Variants in PRIM2 observed in about 807,000 individuals in gnomAD.
PRIM2 encodes DNA primase subunit 2, also known as DNA primase large subunit.
PRIM2 carries 39 observed loss-of-function variants against 67.3 expected under a neutral mutation model. The observed-to-expected ratio is 0.58, with a 90% confidence interval of 0.45 to 0.76. PRIM2 has a LOEUF of 0.76. Ranked by LOEUF, PRIM2 falls within the 30% of genes least tolerant of loss-of-function variation. The pLI is 0.00. For synonymous variants in PRIM2, 143 were observed against 198.7 expected, an observed-to-expected ratio of 0.72 and a Z score of 2.36; for missense variants, 398 against 598.7, an observed-to-expected ratio of 0.66 and a Z score of 3.50.
intron 5 of PRIM2, among the ~76,000 whole-genome samples, chr6:57,345,474 A>ATATGTGTGTGTGTGTG (rs1554327210): frequency 1.6e-5 from 2 of 124,596 alleles, no homozygotes; most frequent in East Asian, 2.2e-4. Flanking sequence ...ATATATATAT[A>ATATGTGTGTGTGTGTG]TGTGTGTGTG....
intron 7 of PRIM2, among the ~76,000 whole-genome samples, chr6:57,505,815 G>C (rs1774239548): frequency 6.6e-6 from 1 of 151,334 alleles, no homozygotes; most frequent in African/African-American, 2.4e-5. Flanking sequence ...TTTTTTGTTT[G>C]CCTCTATTAG....
At chr6:57,357,811 G>A (rs571552026) in intron 5 of PRIM2, among the ~76,000 whole-genome samples, 2 of 152,004 alleles carry the variant, frequency 1.3e-5, no homozygotes, top group Middle Eastern at 3.2e-3. Context: ...GGTGAAGCTG[G>A]TATCGGATTC....
At chr6:57,337,970 TAAAG>T (rs573539746) in intron 5 of PRIM2, among the ~76,000 whole-genome samples, 8,415 of 150,240 alleles carry the variant, frequency 0.056, 731 homozygotes, top group African/African-American at 0.19. Flanking sequence ...GCAAGACTAA[TAAAG>T]AAAAAAAGAG....
intron 11 of PRIM2, among the ~76,000 whole-genome samples, chr6:57,605,321 G>GT (rs1776540458): frequency 6.6e-6 from 1 of 152,174 alleles, no homozygotes; most frequent in South Asian, 2.1e-4. Context: ...CCCCTCCTCA[G>GT]TTTTTTGGAA....
chr6:57,575,460 A>T (rs1456084638), intron 10 of PRIM2, among the ~76,000 whole-genome samples: 10 of 152,180 alleles, frequency 6.6e-5, no homozygotes, highest in African/African-American at 9.7e-5. Context: ...AGGTGTTATG[A>T]TTCAGTGAAT....
At chr6:57,343,598 G>C (rs3800015) in intron 5 of PRIM2, among the ~76,000 whole-genome samples, 61,936 of 151,828 alleles carry the variant, frequency 0.41, 13,539 homozygotes, top group South Asian at 0.56. Context: ...GCTTTTCACA[G>C]GGCTTCTGGC....
upstream of PRIM2, among the ~76,000 whole-genome samples, chr6:57,313,706 G>T (rs1445661264): frequency 6.6e-6 from 1 of 152,164 alleles, no homozygotes; most frequent in East Asian, 1.9e-4. Flanking sequence ...CTATCTTGCT[G>T]GAAATACCTC....
chr6:57,397,949 A>ATCTT (rs1246937227), intron 7 of PRIM2, among the ~76,000 whole-genome samples: 44 of 106,414 alleles, frequency 4.1e-4, no homozygotes, highest in Middle Eastern at 0.011. Context: ...AGGCTGTGAG[A>ATCTT]TCTTTCTTTC....
intron 10 of PRIM2, among the ~76,000 whole-genome samples, chr6:57,598,764 G>A (rs1485218891): frequency 2.6e-3 from 388 of 150,654 alleles, no homozygotes; most frequent in Non-Finnish European, 4.3e-3. Context: ...GGCTGAGGTG[G>A]GAAGATCACT....
chr6:57,563,967 C>T (rs1481367400), intron 10 of PRIM2, among the ~76,000 whole-genome samples: 1 of 152,142 alleles, frequency 6.6e-6, no homozygotes, highest in Non-Finnish European at 1.5e-5. Context: ...CCGGCCTTAG[C>T]TTTTTAAATT....
chr6:57,545,280 CATAG>C (rs1422754548), intron 10 of PRIM2, among the ~76,000 whole-genome samples: 3 of 151,876 alleles, frequency 2.0e-5, no homozygotes, highest in Non-Finnish European at 4.4e-5. Context: ...TATGTATATA[CATAG>C]ATACATACAT....
At chr6:57,330,384 T>TTTTTTTTTTTTTTTTTTTTTTTTTG (rs1562696759) in intron 5 of PRIM2, among the ~76,000 whole-genome samples, 1 of 35,144 alleles carries the variant, frequency 2.8e-5, no homozygotes, top group African/African-American at 1.2e-4. Flanking sequence ...TGTTTTTTTG[T>TTTTTTTTTTTTTTTTTTTTTTTTTG]TTTTTTTTTT....
At chr6:57,337,584 A>G (rs1177327139) in intron 5 of PRIM2, among the ~76,000 whole-genome samples, 1 of 152,156 alleles carries the variant, frequency 6.6e-6, no homozygotes, top group Non-Finnish European at 1.5e-5. Context: ...CTACATGGAA[A>G]CTGAACAACC....
In PRIM2 at chr6:57,326,044, C is replaced by G; in HGVS notation, c.458C>G (p.Ala153Gly). 6.2e-7 allele frequency: 1 copy of G among 1,609,736 alleles called. No individual in the cohort carries two copies. Among genetic ancestry groups the G allele is most frequent in the Non-Finnish European group, 8.5e-7 (1 of 1,178,686 alleles). The change falls in exon 5 of 14, where the codon GCT (alanine) becomes GGT (glycine). Residue 153 changes from alanine (A) to glycine (G), a missense_variant and splice_region_variant. Ala to Gly is a moderately conservative substitution (Grantham distance 60, BLOSUM62 0). Coordinates refer to ENST00000615550, the MANE Select transcript of PRIM2 (RefSeq NM_000947.5). Reference protein sequence around the residue: ...FLKDSQLQFEAISDEEKTLRE... With the variant: ...FLKDSQLQFEGISDEEKTLRE... Reference sequence around the variant, plus strand: ...AAGGATAGCCAATTGCAGTTTGAGGCTGTAAGTATATTTTTGTAGTTATTT... The same window carrying G: ...AAGGATAGCCAATTGCAGTTTGAGGGTGTAAGTATATTTTTGTAGTTATTT...
At chr6:57,634,022 C>T (rs1777078393) in intron 13 of PRIM2, among the ~76,000 whole-genome samples, 2 of 152,178 alleles carry the variant, frequency 1.3e-5, no homozygotes, top group Non-Finnish European at 2.9e-5. Flanking sequence ...ATGTATATTT[C>T]CCTGTCTATG....
chr6:57,246,651 G>A, the PRIM2 span, among the ~76,000 whole-genome samples: 1 of 152,168 alleles, frequency 6.6e-6, no homozygotes, highest in African/African-American at 2.4e-5. Flanking sequence ...ATGGGGAATG[G>A]TGAGAGAAGA....
At chr6:57,444,180 T>C (rs1772290838) in intron 7 of PRIM2, among the ~76,000 whole-genome samples, 3 of 152,022 alleles carry the variant, frequency 2.0e-5, no homozygotes, top group Admixed American at 2.0e-4. Context: ...TCAAAGTATA[T>C]ATGTTGGTGG....
At chr6:57,397,368 A>G (rs1315460695) in intron 7 of PRIM2, among the ~76,000 whole-genome samples, 1 of 152,034 alleles carries the variant, frequency 6.6e-6, no homozygotes, top group Non-Finnish European at 1.5e-5. Context: ...ATATTTTCAT[A>G]TTCTTTTTGC....
the PRIM2 span, among the ~76,000 whole-genome samples, chr6:57,267,696 G>A: frequency 1.3e-5 from 2 of 151,178 alleles, no homozygotes; most frequent in African/African-American, 4.9e-5. Flanking sequence ...ATCACTTGAG[G>A]CCAGGAGTTA....
Sources: allele counts gnomAD v4.1 joint callset (sites outside exome capture counted in the v4.1 genomes callset), GRCh38; gene constraint gnomAD v4.1.1; transcripts MANE v1.5; gene names NCBI Gene and HGNC (gene_info 2026-07-23, HGNC 2026-07-21).